CALCRL: variants seen among roughly 807,000 people sequenced by gnomAD.
CALCRL encodes calcitonin gene-related peptide type 1 receptor.
CALCRL carries 27 observed loss-of-function variants against 60.4 expected under a neutral mutation model. That is an observed-to-expected ratio of 0.45 (90% confidence interval 0.33 to 0.62). The LOEUF (loss-of-function observed/expected upper bound fraction) is 0.62, where lower values mean the gene tolerates loss of function less well. CALCRL is among the 20% of genes least tolerant of loss of function. The pLI is 0.03. For synonymous variants in CALCRL, 190 were observed against 182.6 expected (o/e 1.04, Z -0.33); for missense variants, 424 against 540.7 (o/e 0.78, Z 2.14).
At chr2:187,372,559 G>T (rs1417238854) in intron 8 of CALCRL, among the ~76,000 whole-genome samples, 1 of 152,058 alleles carries the variant, frequency 6.6e-6, no homozygotes. Flanking sequence ...TTAAAGAATG[G>T]ATGAGTGGTA....
At chr2:187,392,221 A>G (rs1240191630) in intron 1 of CALCRL, among the ~76,000 whole-genome samples, 2 of 152,152 alleles carry the variant, frequency 1.3e-5, no homozygotes, top group African/African-American at 4.8e-5. Flanking sequence ...TCACTCCAAC[A>G]TTAAGAAAAA....
chr2:187,380,298 A>G (rs964610684), intron 7 of CALCRL, among the ~76,000 whole-genome samples, 169 bp downstream of exon 7: 2 of 152,250 alleles, frequency 1.3e-5, no homozygotes, highest in Non-Finnish European at 2.9e-5. Flanking sequence ...AAAATCAATA[A>G]TAATTTTTTC....
At chr2:187,446,387 A>G (rs1215652081) in intron 1 of CALCRL, among the ~76,000 whole-genome samples, 1 of 151,680 alleles carries the variant, frequency 6.6e-6, no homozygotes, top group African/African-American at 2.4e-5. Context: ...TGTTTTTCAA[A>G]AGTATTTTTG....
chr2:187,364,598 T>C (rs1308274537), intron 8 of CALCRL, among the ~76,000 whole-genome samples: 1 of 152,136 alleles, frequency 6.6e-6, no homozygotes, highest in Non-Finnish European at 1.5e-5. Context: ...AATCTCTTTA[T>C]CTTAAATAGA....
intron 1 of CALCRL, among the ~76,000 whole-genome samples, chr2:187,406,187 C>CA (rs3836097): frequency 0.014 from 2,044 of 143,378 alleles, 31 homozygotes; most frequent in African/African-American, 0.045. Context: ...CAAACACAAC[C>CA]AAAAAAAAAA....
At position 187,393,316 on chromosome 2, in the gene CALCRL, A is replaced by C. The variant is rs1020577155; in HGVS notation, c.-292-5560T>G. ...TGGCCTGTTATACTTGGGGAAGCACAATATAAATACTTCATCCTCACTGGG... is the reference window on the plus strand; with the variant it reads ...TGGCCTGTTATACTTGGGGAAGCACCATATAAATACTTCATCCTCACTGGG... On this transcript the variant is annotated intron_variant, in intron 1 of 14. Transcript: ENST00000392370. 4.6e-5 allele frequency among the ~76,000 whole-genome samples: 7 copies of C among 152,232 alleles called. No individual in the cohort carries two copies. In the East Asian group the frequency reaches 1.4e-3, roughly 29 times the overall value.
chr2:187,398,205 G>A (rs995736166), intron 1 of CALCRL, among the ~76,000 whole-genome samples: 6 of 151,660 alleles, frequency 4.0e-5, no homozygotes, highest in Non-Finnish European at 8.9e-5. Flanking sequence ...TGCTCAAAGA[G>A]CACTGAAACA....
intron 1 of CALCRL, among the ~76,000 whole-genome samples, chr2:187,432,378 T>A (rs969635264): frequency 6.6e-6 from 1 of 152,162 alleles, no homozygotes; most frequent in Non-Finnish European, 1.5e-5. Context: ...TAAGTCATAA[T>A]GACATTTGAA....
Position 187,353,741 on chromosome 2 carries a change from A to G in CALCRL, c.910-1409T>C, listed in dbSNP as rs552506507. ...TAATATATTCCCTTCTTAAGCATCC[A>G]TTGCTCTTTAAAAAAAGATAATAAT... On this transcript the variant is annotated intron_variant, in intron 12 of 14. Transcript: ENST00000392370. Among the ~76,000 whole-genome samples the G allele has an allele frequency of 3.3e-5, 5 of 152,074 alleles. No homozygotes were observed. The South Asian group carries it at 1.0e-3, about 31-fold the overall frequency.
chr2:187,413,053 G>A (rs1271747353), intron 1 of CALCRL, among the ~76,000 whole-genome samples: 1 of 152,098 alleles, frequency 6.6e-6, no homozygotes, highest in Non-Finnish European at 1.5e-5. Context: ...CAATTTATTG[G>A]TATATAAGGA....
At chr2:187,437,141 C>T (rs898206476) in intron 1 of CALCRL, among the ~76,000 whole-genome samples, 8 of 152,134 alleles carry the variant, frequency 5.3e-5, no homozygotes, top group African/African-American at 1.9e-4. Flanking sequence ...CCACTGTCAC[C>T]AGACCTGAAA....
At chr2:187,357,445 T>C (rs181097562) in intron 12 of CALCRL, among the ~76,000 whole-genome samples, 2 of 129,442 alleles carry the variant, frequency 1.5e-5, no homozygotes, top group Admixed American at 1.7e-4. Flanking sequence ...TAAGTGGGAG[T>C]TGAACAATGA....
intron 3 of CALCRL, among the ~76,000 whole-genome samples, chr2:187,386,708 A>G (rs563255051): frequency 2.3e-3 from 61 of 25,960 alleles, no homozygotes; most frequent in African/African-American, 8.2e-3. Flanking sequence ...CCATAACTAA[A>G]TGATATGGTT....
At chr2:187,346,819 G>A (rs1686297223) in intron 14 of CALCRL, among the ~76,000 whole-genome samples, 1 of 147,208 alleles carries the variant, frequency 6.8e-6, no homozygotes, top group Admixed American at 7.0e-5. Flanking sequence ...AAGAAAAGAA[G>A]TTAGGATACG....
At chr2:187,432,646 A>T (rs937444484) in intron 1 of CALCRL, among the ~76,000 whole-genome samples, 1 of 152,132 alleles carries the variant, frequency 6.6e-6, no homozygotes, top group Admixed American at 6.6e-5. Context: ...AAAACATATT[A>T]TATATCACTA....
chr2:187,395,083 T>C (rs1688602918), intron 1 of CALCRL, among the ~76,000 whole-genome samples: 1 of 152,078 alleles, frequency 6.6e-6, no homozygotes, highest in Non-Finnish European at 1.5e-5. Flanking sequence ...CTGTTAGTCA[T>C]GGCAGTAATC....
intron 8 of CALCRL, among the ~76,000 whole-genome samples, chr2:187,373,127 C>T (rs1315891850): frequency 6.6e-6 from 1 of 152,118 alleles, no homozygotes; most frequent in East Asian, 1.9e-4. Flanking sequence ...TTCATGTCTT[C>T]ATTCCTTAAA....
At chr2:187,399,041 T>A (rs984282955) in intron 1 of CALCRL, among the ~76,000 whole-genome samples, 8 of 151,622 alleles carry the variant, frequency 5.3e-5, no homozygotes, top group Non-Finnish European at 1.0e-4. Context: ...GAAGGCTCCA[T>A]TTTGCATTCT....
intron 1 of CALCRL, among the ~76,000 whole-genome samples, chr2:187,410,387 T>G (rs1209379704): frequency 1.3e-5 from 2 of 151,418 alleles, no homozygotes; most frequent in Non-Finnish European, 2.9e-5. Context: ...AGAGAAGAGA[T>G]ATCTGCCCTA....
Sources: allele counts gnomAD v4.1 joint callset (sites outside exome capture counted in the v4.1 genomes callset), GRCh38; gene constraint gnomAD v4.1.1; transcripts MANE v1.5; gene names NCBI Gene and HGNC (gene_info 2026-07-23, HGNC 2026-07-21).